The following CACNA2D3 variants were observed in gnomAD, a reference collection of about 807,000 sequenced individuals.
The protein encoded by CACNA2D3 is voltage-dependent calcium channel subunit alpha-2/delta-3.
A neutral mutation model predicts 160.6 loss-of-function variants in CACNA2D3; 60 were observed. The ratio of observed to expected loss-of-function variants is 0.37; its 90% CI spans 0.30 to 0.46. The LOEUF is 0.46. Among genes scored for constraint, CACNA2D3 ranks in the 20% least tolerant of loss-of-function variants. The probability of loss-of-function intolerance (pLI) is 1.00; values close to 1 mark genes in which losing one functional copy is unlikely to be tolerated. For synonymous variants in CACNA2D3, 558 were observed against 492.9 expected, an observed-to-expected ratio of 1.13 and a Z score of -1.75; for missense variants, 1,205 against 1,365.0, an observed-to-expected ratio of 0.88 and a Z score of 1.85.
intron 18 of CACNA2D3, 65 bp downstream of exon 18, chr3:54,871,687 G>A: frequency 7.8e-7 from 1 of 1,276,042 alleles, no homozygotes; most frequent in Non-Finnish European, 1.1e-6. Context: ...TGTACCTGGG[G>A]GCGATCCCAG....
chr3:54,196,556 T>G (rs1300067388), intron 2 of CACNA2D3, among the ~76,000 whole-genome samples: 2 of 152,234 alleles, frequency 1.3e-5, no homozygotes, highest in African/African-American at 4.8e-5. Flanking sequence ...ATCTTGTCAC[T>G]GACAAACGGA....
chr3:54,677,822 T>G (rs1700271970), intron 11 of CACNA2D3, among the ~76,000 whole-genome samples: 1 of 151,990 alleles, frequency 6.6e-6, no homozygotes, highest in South Asian at 2.1e-4. Context: ...GATTAAGCTG[T>G]GGGAGGAGGA....
chr3:54,661,633 A>G (rs1004625457), intron 11 of CACNA2D3, among the ~76,000 whole-genome samples: 1 of 152,158 alleles, frequency 6.6e-6, no homozygotes, highest in Non-Finnish European at 1.5e-5. Context: ...CTGGCTCACT[A>G]ACATCAGGAA....
At chr3:54,765,326 C>T (rs574602992) in intron 13 of CACNA2D3, among the ~76,000 whole-genome samples, 6 of 152,186 alleles carry the variant, frequency 3.9e-5, no homozygotes, top group South Asian at 4.2e-4. Context: ...GTATGCAATG[C>T]GGCCCTGGAA....
intron 2 of CACNA2D3, among the ~76,000 whole-genome samples, chr3:54,290,881 G>A (rs556801259): frequency 1.2e-4 from 19 of 152,172 alleles, no homozygotes; most frequent in Admixed American, 6.5e-4. Context: ...GACACAGGAA[G>A]GGGAACATTC....
rs559366052 is a variant in CACNA2D3, at chr3:55,022,559, T to C, written c.2987+4242T>C. 1.5e-3 allele frequency among the ~76,000 whole-genome samples: 167 copies of C among 114,086 alleles called. 4 individuals are homozygous for C. Among genetic ancestry groups the C allele is most frequent in the East Asian group, 4.4e-4 (2 of 4,538 alleles). The allele number at this position is 114,086 out of a possible 152,430, so 74.8% of individuals were successfully genotyped here. Reference sequence around the variant, plus strand: ...CCTTCTTTCTTTCTTTCCTTCCTTCTTTCTTTCTTTCCTTCCTTCCTTCCT... The same window carrying C: ...CCTTCTTTCTTTCTTTCCTTCCTTCCTTCTTTCTTTCCTTCCTTCCTTCCT... On this transcript the variant is annotated intron_variant, in intron 35 of 37. Coordinates refer to ENST00000474759, the MANE Select transcript of CACNA2D3 (RefSeq NM_018398.3).
At chr3:54,410,066 G>A (rs1699639937) in intron 4 of CACNA2D3, among the ~76,000 whole-genome samples, 1 of 152,154 alleles carries the variant, frequency 6.6e-6, no homozygotes, top group Non-Finnish European at 1.5e-5. Context: ...AAGAGGAGAA[G>A]TCGGCTGGGT....
chr3:54,328,518 G>A (rs182814991), intron 3 of CACNA2D3, among the ~76,000 whole-genome samples: 49 of 152,238 alleles, frequency 3.2e-4, no homozygotes, highest in African/African-American at 1.1e-3. Flanking sequence ...CTGACCTCAG[G>A]TGATCTGCCC....
At chr3:54,235,510 A>T (rs528995073) in intron 2 of CACNA2D3, among the ~76,000 whole-genome samples, 2 of 152,302 alleles carry the variant, frequency 1.3e-5, no homozygotes, top group African/African-American at 4.8e-5. Flanking sequence ...GCACTCACTC[A>T]TTGTCACAAG....
intron 2 of CACNA2D3, among the ~76,000 whole-genome samples, chr3:54,282,830 T>C (rs183658909): frequency 7.5e-4 from 114 of 152,026 alleles, no homozygotes; most frequent in African/African-American, 2.2e-3. Context: ...AAGAAGAACA[T>C]ACACTTTTAG....
chr3:54,545,944 G>C (rs1367350859), intron 5 of CACNA2D3, among the ~76,000 whole-genome samples: 1 of 152,214 alleles, frequency 6.6e-6, no homozygotes, highest in African/African-American at 2.4e-5. Flanking sequence ...GGTTTAAGCA[G>C]GTTGGCATGC....
chr3:54,150,397 T>G (rs1301038555), intron 2 of CACNA2D3, among the ~76,000 whole-genome samples: 1 of 152,158 alleles, frequency 6.6e-6, no homozygotes, highest in Non-Finnish European at 1.5e-5. Context: ...AGTATGGAAA[T>G]GAGTGAAACC....
At chr3:54,162,197 G>A (rs1309706543) in intron 2 of CACNA2D3, among the ~76,000 whole-genome samples, 1 of 152,202 alleles carries the variant, frequency 6.6e-6, no homozygotes, top group African/African-American at 2.4e-5. Flanking sequence ...CTCTTGCTGA[G>A]TAACGACACA....
intron 4 of CACNA2D3, among the ~76,000 whole-genome samples, chr3:54,443,601 C>CT (rs1156692745): frequency 2.0e-5 from 3 of 152,106 alleles, no homozygotes; most frequent in Non-Finnish European, 4.4e-5. Context: ...AAGTGTTTTC[C>CT]TGGTGGAGCA....
chr3:54,977,353 T>G (rs1702413505), intron 29 of CACNA2D3, among the ~76,000 whole-genome samples: 1 of 152,200 alleles, frequency 6.6e-6, no homozygotes. Context: ...CCTGTGCGAT[T>G]GGAGCTGTTT....
At chr3:54,290,880 A>T (rs1264021368) in intron 2 of CACNA2D3, among the ~76,000 whole-genome samples, 1 of 150,682 alleles carries the variant, frequency 6.6e-6, no homozygotes, top group African/African-American at 2.4e-5. Context: ...GGACACAGGA[A>T]GGGGAACATT....
intron 12 of CACNA2D3, among the ~76,000 whole-genome samples, chr3:54,759,867 A>G (rs1702047996): frequency 1.3e-5 from 2 of 152,230 alleles, no homozygotes; most frequent in Non-Finnish European, 2.9e-5. Context: ...AGGCTTTGGA[A>G]TCAAATGAAC....
chr3:54,741,150 T>C (rs1701640254), intron 11 of CACNA2D3, among the ~76,000 whole-genome samples: 3 of 151,818 alleles, frequency 2.0e-5, no homozygotes, highest in Admixed American at 1.3e-4. Context: ...TGGGGGTGGA[T>C]GGCGGGAAGG....
chr3:54,516,710 A>G (rs1159630051), intron 5 of CACNA2D3, among the ~76,000 whole-genome samples: 1 of 152,190 alleles, frequency 6.6e-6, no homozygotes, highest in African/African-American at 2.4e-5. Flanking sequence ...ACGCGACCAC[A>G]TCTTCACCCG....
Sources: allele counts gnomAD v4.1 joint callset (sites outside exome capture counted in the v4.1 genomes callset), GRCh38; gene constraint gnomAD v4.1.1; transcripts MANE v1.5; gene names NCBI Gene and HGNC (gene_info 2026-07-23, HGNC 2026-07-21).